The following OSBPL1A variants were observed in gnomAD, a reference collection of about 807,000 sequenced individuals.
The protein encoded by OSBPL1A is oxysterol binding protein like 1A, also known as oxysterol-binding protein-related protein 1.
OSBPL1A carries 80 observed loss-of-function variants against 137.1 expected under a neutral mutation model. The ratio of observed to expected loss-of-function variants is 0.58; its 90% CI spans 0.49 to 0.70. OSBPL1A has a LOEUF of 0.70. Ranked by LOEUF, OSBPL1A falls within the 30% of genes least tolerant of loss-of-function variation. OSBPL1A has a pLI of 0.00. For missense variants in OSBPL1A, 970 were observed against 1,129.4 expected (o/e 0.86, Z 2.02); for synonymous variants, 365 against 389.7 (o/e 0.94, Z 0.75).
intron 22 of OSBPL1A, 57 bp downstream of exon 22, chr18:24,172,319 C>T: frequency 1.6e-6 from 2 of 1,241,130 alleles, no homozygotes; most frequent in South Asian, 1.2e-5. Context: ...AACTGATGTC[C>T]ACTAAAACTG....
intron 4 of OSBPL1A, among the ~76,000 whole-genome samples, chr18:24,364,434 T>G (rs2091672863): frequency 6.6e-6 from 1 of 152,216 alleles, no homozygotes; most frequent in East Asian, 1.9e-4. Context: ...ACCACTAGGC[T>G]ACACAGATGC....
At chr18:24,299,268 T>C (rs931846117) in intron 14 of OSBPL1A, among the ~76,000 whole-genome samples, 1 of 152,212 alleles carries the variant, frequency 6.6e-6, no homozygotes, top group African/African-American at 2.4e-5. Flanking sequence ...GTTGTATTCA[T>C]CATGTTAGTC....
intron 14 of OSBPL1A, among the ~76,000 whole-genome samples, chr18:24,283,535 A>C (rs1265758206): frequency 6.6e-6 from 1 of 152,168 alleles, no homozygotes; most frequent in South Asian, 2.1e-4. Flanking sequence ...GTGAAGATTT[A>C]TTCTCTACTT....
intron 4 of OSBPL1A, 61 bp downstream of exon 4, chr18:24,366,831 C>A: frequency 6.6e-7 from 1 of 1,510,156 alleles, no homozygotes; most frequent in Non-Finnish European, 9.1e-7. Flanking sequence ...ACAGAGAAAA[C>A]AATGGTAACT....
chr18:24,327,282 T>C (rs2091000239), intron 7 of OSBPL1A, among the ~76,000 whole-genome samples: 1 of 151,572 alleles, frequency 6.6e-6, no homozygotes, highest in Non-Finnish European at 1.5e-5. Context: ...TAATTTTGTA[T>C]TTTTAGTAAA....
At chr18:24,169,225 CCT>C (rs1348445488) in intron 24 of OSBPL1A, among the ~76,000 whole-genome samples, 1 of 152,216 alleles carries the variant, frequency 6.6e-6, no homozygotes, top group East Asian at 1.9e-4. Flanking sequence ...GTTTAATAAA[CCT>C]CTTTTCACTT....
At chr18:24,259,533 T>A (rs974387164) in intron 15 of OSBPL1A, among the ~76,000 whole-genome samples, 4 of 152,178 alleles carry the variant, frequency 2.6e-5, no homozygotes, top group African/African-American at 9.7e-5. Flanking sequence ...ATACCCCTTT[T>A]TCTGCCCCTT....
chr18:24,380,807 C>G lies in OSBPL1A; in HGVS notation c.-2-3272G>C, dbSNP rs556619362. Among the ~76,000 whole-genome samples the G allele has an allele frequency of 3.3e-5, 5 of 152,136 alleles. No homozygotes were observed. The South Asian group carries it at 1.0e-3, about 32-fold the overall frequency. On this transcript the variant is annotated intron_variant, in intron 1 of 27. Coordinates refer to ENST00000319481, the MANE Select transcript of OSBPL1A (RefSeq NM_080597.4). ...TCTCTACTAAATGCAAAAAAATTAGCCAGGCATGGTGGCACATGCCTGTAA... is the reference window on the plus strand; with the variant it reads ...TCTCTACTAAATGCAAAAAAATTAGGCAGGCATGGTGGCACATGCCTGTAA...
intron 17 of OSBPL1A, 150 bp from the exon 18 acceptor site, chr18:24,196,350 AG>A: frequency 3.2e-6 from 2 of 617,658 alleles, no homozygotes; most frequent in Non-Finnish European, 5.7e-6. Context: ...GGGCTAATCT[AG>A]GGTTGCACCT....
At chr18:24,368,255 G>A in intron 3 of OSBPL1A, 32 bp downstream of exon 3, 3 of 1,493,144 alleles carry the variant, frequency 2.0e-6, no homozygotes, top group Non-Finnish European at 2.8e-6. Context: ...AATATTTACT[G>A]TAGTCATTAA....
chr18:24,262,956 C>T (rs11877403), intron 15 of OSBPL1A, among the ~76,000 whole-genome samples: 3,060 of 152,164 alleles, frequency 0.02, 115 homozygotes, highest in African/African-American at 0.069. Flanking sequence ...TGCAACTATA[C>T]GCAGTTCTTT....
rs112419969 is a variant in OSBPL1A, at chr18:24,387,509, T to G, written c.-2-9974A>C. 4.2e-3 allele frequency among the ~76,000 whole-genome samples: 633 copies of G among 152,318 alleles called. 6 individuals carry two copies. Among genetic ancestry groups the G allele is most frequent in the African/African-American group, 0.015 (619 of 41,558 alleles). On this transcript the variant is annotated intron_variant, in intron 1 of 27. Transcript: ENST00000319481. ...GATCATTATAATAAAATGATCTTTATATTCCTTTCAGCTACACTACAAAGA... is the reference window on the plus strand; with the variant it reads ...GATCATTATAATAAAATGATCTTTAGATTCCTTTCAGCTACACTACAAAGA...
intron 17 of OSBPL1A, among the ~76,000 whole-genome samples, chr18:24,206,075 G>T (rs1413927109): frequency 6.6e-6 from 1 of 152,162 alleles, no homozygotes. Context: ...ACTTTTAGTA[G>T]AGATGGGGTT....
chr18:24,184,519 G>A (rs2086691276), intron 18 of OSBPL1A, among the ~76,000 whole-genome samples: 1 of 152,058 alleles, frequency 6.6e-6, no homozygotes, highest in African/African-American at 2.4e-5. Context: ...TCCTCCTCAA[G>A]TTTTGTAGCA....
At chr18:24,269,259 A>G (rs1462361650) in intron 15 of OSBPL1A, among the ~76,000 whole-genome samples, 1 of 152,206 alleles carries the variant, frequency 6.6e-6, no homozygotes, top group Non-Finnish European at 1.5e-5. Context: ...TAACTGCCCA[A>G]GATAAGTTTC....
At chr18:24,185,275 A>G (rs1230989365) in intron 18 of OSBPL1A, among the ~76,000 whole-genome samples, 1 of 152,032 alleles carries the variant, frequency 6.6e-6, no homozygotes, top group Non-Finnish European at 1.5e-5. Context: ...GAGCCCTAGT[A>G]TAAACTATGA....
At chr18:24,304,891 T>C (rs2090472834) in intron 13 of OSBPL1A, among the ~76,000 whole-genome samples, 1 of 152,148 alleles carries the variant, frequency 6.6e-6, no homozygotes, top group Admixed American at 6.5e-5. Flanking sequence ...CTACGTACCA[T>C]TCACTTGGTG....
intron 13 of OSBPL1A, among the ~76,000 whole-genome samples, chr18:24,310,061 G>GAAA (rs1204969640): frequency 9.6e-6 from 1 of 104,308 alleles, no homozygotes. Flanking sequence ...AAAAAAAAAA[G>GAAA]AAAAAAAAAA....
At chr18:24,247,649 T>A (rs573251872) in intron 15 of OSBPL1A, among the ~76,000 whole-genome samples, 11 of 150,006 alleles carry the variant, frequency 7.3e-5, no homozygotes, top group African/African-American at 2.2e-4. Context: ...TAATTTTTTT[T>A]AATAGGGACA....
Sources: gnomAD v4.1 joint callset for allele counts (sites outside exome capture counted in the v4.1 genomes callset) on GRCh38, gnomAD v4.1.1 for gene constraint, MANE v1.5 for transcripts, NCBI Gene and HGNC (gene_info 2026-07-23, HGNC 2026-07-21) for gene names.